IL1RAPL1: variants seen among roughly 807,000 people sequenced by gnomAD.
IL1RAPL1 encodes interleukin-1 receptor accessory protein-like 1.
In IL1RAPL1, 3 loss-of-function variants were observed where a neutral mutation model predicts 48.4. That is an observed-to-expected ratio of 0.06 (90% CI 0.03 to 0.16). IL1RAPL1 has a LOEUF of 0.16. Among genes scored for constraint, IL1RAPL1 ranks in the 10% least tolerant of loss-of-function variants. The probability of loss-of-function intolerance (pLI) is 1.00; values close to 1 mark genes in which losing one functional copy is unlikely to be tolerated. For synonymous variants in IL1RAPL1, 185 were observed against 187.7 expected (o/e 0.99, Z 0.12); for missense variants, 349 against 530.6 (o/e 0.66, Z 3.36).
At chrX:29,918,240 A>T (rs561313583) in intron 7 of IL1RAPL1, among the ~76,000 whole-genome samples, 1,975 of 54,489 alleles carry the variant, frequency 0.036, 40 homozygotes, top group Middle Eastern at 0.067. Flanking sequence ...CTTTTTTTTA[A>T]AAAAAAAAAA....
At chrX:29,783,124 T>C (rs760933845) in intron 6 of IL1RAPL1, among the ~76,000 whole-genome samples, 15 of 108,847 alleles carry the variant, frequency 1.4e-4, no homozygotes, top group African/African-American at 4.7e-4. Flanking sequence ...CGGGATGGTC[T>C]CGATCTCCTG....
intron 2 of IL1RAPL1, among the ~76,000 whole-genome samples, chrX:29,272,429 G>C (rs1932054966): frequency 9.0e-6 from 1 of 111,402 alleles, no homozygotes; most frequent in Non-Finnish European, 1.9e-5. Context: ...GGTTTGGCTG[G>C]ATATGAGATT....
intron 6 of IL1RAPL1, among the ~76,000 whole-genome samples, chrX:29,729,685 T>C (rs962631229): frequency 9.0e-6 from 1 of 111,153 alleles, no homozygotes; most frequent in Non-Finnish European, 1.9e-5. Context: ...TACTAAAATG[T>C]AGTATATTTA....
At chrX:29,110,146 G>T (rs1928532190) in intron 2 of IL1RAPL1, among the ~76,000 whole-genome samples, 1 of 111,707 alleles carries the variant, frequency 9.0e-6, no homozygotes, top group African/African-American at 3.3e-5. Context: ...ACTTAACATT[G>T]CTGCCTTTCT....
At chrX:29,615,405 AGGAGG>A (rs368595804) in intron 5 of IL1RAPL1, among the ~76,000 whole-genome samples, 1 of 105,045 alleles carries the variant, frequency 9.5e-6, no homozygotes. Flanking sequence ...AACAAAGGAG[AGGAGG>A]GGAGGGGAGG....
At chrX:29,032,292 C>T (rs1224463234) in intron 2 of IL1RAPL1, among the ~76,000 whole-genome samples, 1 of 111,942 alleles carries the variant, frequency 8.9e-6, no homozygotes, top group Non-Finnish European at 1.9e-5. Context: ...GGTGATTCTC[C>T]AAAAGGGAGC....
chrX:29,426,617 A>G (rs189777196), intron 5 of IL1RAPL1, among the ~76,000 whole-genome samples: 88 of 111,965 alleles, frequency 7.9e-4, no homozygotes, highest in African/African-American at 2.7e-3. Context: ...TGTAAAGGCA[A>G]TCAGAACTTC....
intron 2 of IL1RAPL1, among the ~76,000 whole-genome samples, chrX:29,255,134 TGTGTGTGC>T (rs1387938302): frequency 4.0e-4 from 39 of 97,721 alleles, no homozygotes; most frequent in Non-Finnish European, 2.7e-4. Flanking sequence ...TGTGTGTGTG[TGTGTGTGC>T]GTGTGTGTGT....
At chrX:28,784,213 C>T (rs1469467533) in intron 1 of IL1RAPL1, among the ~76,000 whole-genome samples, 2 of 111,774 alleles carry the variant, frequency 1.8e-5, no homozygotes, top group African/African-American at 6.5e-5. Flanking sequence ...TAACATGCAT[C>T]GCTTTGTGTA....
chrX:29,091,645 T>C (rs1438010609), intron 2 of IL1RAPL1, among the ~76,000 whole-genome samples: 2 of 111,279 alleles, frequency 1.8e-5, no homozygotes, highest in Non-Finnish European at 3.8e-5. Flanking sequence ...TCATTTGAAA[T>C]GAGAGTATAG....
chrX:29,776,701 G>A (rs1929206870), intron 6 of IL1RAPL1, among the ~76,000 whole-genome samples: 2 of 111,678 alleles, frequency 1.8e-5, no homozygotes, highest in Admixed American at 1.9e-4. Context: ...CTATTTTATG[G>A]TTTATAGTCT....
chrX:29,143,333 C>G, intron 2 of IL1RAPL1, among the ~76,000 whole-genome samples: 1 of 111,895 alleles, frequency 8.9e-6, no homozygotes, highest in Middle Eastern at 4.7e-3. Flanking sequence ...AAGATCCATA[C>G]AAAGTGTTGA....
At chrX:29,050,944 T>G (rs964990244) in intron 2 of IL1RAPL1, among the ~76,000 whole-genome samples, 2 of 112,576 alleles carry the variant, frequency 1.8e-5, no homozygotes, top group Non-Finnish European at 3.7e-5. Flanking sequence ...TTTCCACATG[T>G]GCTTTTAGAA....
Position 29,635,434 on chromosome X carries a change from G to T in IL1RAPL1, c.704-32996G>T, listed in dbSNP as rs191197780. On this transcript the variant is annotated intron_variant, in intron 5 of 10. Transcript: ENST00000378993. ...AATAAAGTAATGTCTTCAAAGTTTC[G>T]AGAGACAATTACTAATTGCTTTTCA... Among the ~76,000 whole-genome samples, 36 of 111,938 alleles carry T rather than the reference G, an allele frequency of 3.2e-4. No individual in the cohort carries two copies. The East Asian group carries it at 5.9e-3, about 18-fold the overall frequency.
intron 8 of IL1RAPL1, among the ~76,000 whole-genome samples, chrX:29,920,794 CAAAAAA>C (rs1176529100): frequency 2.9e-3 from 93 of 31,625 alleles, no homozygotes; most frequent in African/African-American, 0.011. Context: ...GACCCTGTCT[CAAAAAA>C]AAAAAAAAAA....
At chrX:29,342,606 TCA>T (rs1933098210) in intron 3 of IL1RAPL1, among the ~76,000 whole-genome samples, 1 of 112,011 alleles carries the variant, frequency 8.9e-6, no homozygotes, top group South Asian at 3.7e-4. Context: ...CTCACTGTCC[TCA>T]GTCACAAGAA....
intron 6 of IL1RAPL1, among the ~76,000 whole-genome samples, chrX:29,790,724 C>T (rs1929609549): frequency 8.9e-6 from 1 of 111,818 alleles, no homozygotes; most frequent in Non-Finnish European, 1.9e-5. Flanking sequence ...TTGACCCTGT[C>T]TCTGTCCATA....
intron 5 of IL1RAPL1, among the ~76,000 whole-genome samples, chrX:29,418,125 A>ATATATTT (rs1474269220): frequency 7.5e-5 from 2 of 26,714 alleles, no homozygotes; most frequent in African/African-American, 3.3e-4. Context: ...ATATATATAT[A>ATATATTT]TTTTTTTTTT....
At chrX:28,999,967 C>T (rs189869391) in intron 2 of IL1RAPL1, among the ~76,000 whole-genome samples, 3 of 111,585 alleles carry the variant, frequency 2.7e-5, no homozygotes, top group Non-Finnish European at 5.7e-5. Flanking sequence ...CCGGCTCCTC[C>T]AGAGTACCTG....
Sources: allele counts gnomAD v4.1 joint callset (sites outside exome capture counted in the v4.1 genomes callset), GRCh38; gene constraint gnomAD v4.1.1; transcripts MANE v1.5; gene names NCBI Gene and HGNC (gene_info 2026-07-23, HGNC 2026-07-21).